The following STK39 variants were observed in gnomAD, a reference collection of about 807,000 sequenced individuals.
STK39 encodes serine/threonine kinase 39.
STK39 carries 20 observed loss-of-function variants against 77.8 expected under a neutral mutation model. That is an observed-to-expected ratio of 0.26 (90% CI 0.18 to 0.37). STK39 has a LOEUF of 0.37. STK39 is among the 10% of genes least tolerant of loss of function. STK39 has a pLI of 1.00. For missense variants in STK39, 479 were observed against 656.5 expected, an observed-to-expected ratio of 0.73 and a Z score of 2.95; for synonymous variants, 246 against 234.1, an observed-to-expected ratio of 1.05 and a Z score of -0.47.
At chr2:168,100,017 A>G (rs1686778550) in intron 10 of STK39, among the ~76,000 whole-genome samples, 1 of 152,132 alleles carries the variant, frequency 6.6e-6, no homozygotes, top group African/African-American at 2.4e-5. Flanking sequence ...CCACATGGGG[A>G]AAAAAAGGAA....
intron 14 of STK39, among the ~76,000 whole-genome samples, chr2:168,058,895 A>C (rs1424866921): frequency 6.6e-6 from 1 of 152,174 alleles, no homozygotes; most frequent in Non-Finnish European, 1.5e-5. Context: ...TATTCAGATC[A>C]TATCACTCTT....
rs554501744 is a variant in STK39, at chr2:168,231,042, C to G, written c.208+16186G>C. On this transcript the variant is annotated intron_variant, in intron 1 of 17. Transcript: ENST00000355999. ...TACTTTTGCAATCCCTACCTCTATG[C>G]CAACAGCTCACTGTAATCTCCAACC... 1.6e-4 allele frequency among the ~76,000 whole-genome samples: 25 copies of G among 152,270 alleles called. 1 individual carries two copies. Among genetic ancestry groups the G allele is most frequent in the African/African-American group, 5.8e-4 (24 of 41,570 alleles).
intron 10 of STK39, among the ~76,000 whole-genome samples, chr2:168,095,055 G>C (rs1368002858): frequency 6.6e-6 from 1 of 152,114 alleles, no homozygotes; most frequent in East Asian, 1.9e-4. Flanking sequence ...CTCTGCCACA[G>C]TTCTAGTACA....
intron 2 of STK39, among the ~76,000 whole-genome samples, chr2:168,171,689 G>T (rs963895590): frequency 6.6e-6 from 1 of 151,934 alleles, no homozygotes; most frequent in African/African-American, 2.4e-5. Context: ...GGGTCTCACT[G>T]TGTTGCCCAG....
chr2:168,180,629 G>A (rs4667568), intron 2 of STK39, among the ~76,000 whole-genome samples: 48,370 of 151,894 alleles, frequency 0.32, 7,936 homozygotes, highest in East Asian at 0.46. Context: ...TATAAAATGC[G>A]TTTTCCAACT....
intron 10 of STK39, among the ~76,000 whole-genome samples, chr2:168,123,915 T>G (rs1285693209): frequency 6.6e-6 from 1 of 151,324 alleles, no homozygotes; most frequent in East Asian, 1.9e-4. Flanking sequence ...GGACAAGTTC[T>G]CAACACTTGT....
chr2:168,052,736 C>G (rs1411851830), intron 14 of STK39, among the ~76,000 whole-genome samples: 1 of 152,220 alleles, frequency 6.6e-6, no homozygotes, highest in Non-Finnish European at 1.5e-5. Context: ...CTTCCTCTAA[C>G]TCCTGGGTGC....
intron 10 of STK39, among the ~76,000 whole-genome samples, chr2:168,096,917 C>T (rs924648316): frequency 5.3e-5 from 8 of 151,988 alleles, no homozygotes; most frequent in African/African-American, 1.9e-4. Context: ...AAAAAAAAAC[C>T]TGCCTTTCAA....
chr2:168,074,541 C>G (rs1686025454), intron 12 of STK39, among the ~76,000 whole-genome samples: 1 of 152,180 alleles, frequency 6.6e-6, no homozygotes, highest in Admixed American at 6.5e-5. Context: ...CCAACAGACT[C>G]AACCAAGAGT....
rs201038739 is a variant in STK39 at position 168,074,962 on chromosome 2, A to C, written c.1242+20T>G. The C allele has an allele frequency of 6.2e-7, 1 of 1,607,246 alleles. No homozygotes were observed. Among genetic ancestry groups the C allele is most frequent in the African/African-American group, 1.3e-5 (1 of 74,526 alleles). ...AAAGGAATGAAATGGCAAAATAATA[A>C]ATAAATAGCCACAGCTCACCTCTGG... On this transcript the variant is annotated intron_variant, in intron 12 of 17. Transcript: ENST00000355999.
chr2:168,050,643 C>G (rs115522724), intron 14 of STK39, among the ~76,000 whole-genome samples: 1 of 152,120 alleles, frequency 6.6e-6, no homozygotes, highest in Non-Finnish European at 1.5e-5. Flanking sequence ...GCTACCTCTA[C>G]AAGCTGGAAA....
At chr2:168,178,769 G>A (rs1434048175) in intron 2 of STK39, among the ~76,000 whole-genome samples, 4 of 152,156 alleles carry the variant, frequency 2.6e-5, no homozygotes, top group Admixed American at 6.5e-5. Context: ...AATGATGACT[G>A]CTTGACTCCT....
At chr2:168,209,642 T>C (rs1689833847) in intron 1 of STK39, among the ~76,000 whole-genome samples, 1 of 151,890 alleles carries the variant, frequency 6.6e-6, no homozygotes, top group Non-Finnish European at 1.5e-5. Flanking sequence ...ATCGCACCAC[T>C]GCACTCCAGC....
intron 6 of STK39, 112 bp downstream of exon 6, chr2:168,140,537 A>G: frequency 8.7e-7 from 1 of 1,145,232 alleles, no homozygotes; most frequent in Non-Finnish European, 1.3e-6. Flanking sequence ...ATTAAATCTT[A>G]GTTACATTAT....
At chr2:168,094,053 C>T (rs1290890003) in intron 10 of STK39, among the ~76,000 whole-genome samples, 2 of 152,222 alleles carry the variant, frequency 1.3e-5, no homozygotes, top group Non-Finnish European at 2.9e-5. Flanking sequence ...CACAGGACAA[C>T]TATAGGACCA....
intron 17 of STK39, among the ~76,000 whole-genome samples, chr2:167,957,661 T>C (rs959943659): frequency 6.6e-6 from 1 of 152,180 alleles, no homozygotes; most frequent in Non-Finnish European, 1.5e-5. Flanking sequence ...AAAGGTCACA[T>C]TGCCAAATGT....
chr2:168,065,822 C>A (rs150546230), intron 12 of STK39, among the ~76,000 whole-genome samples: 1 of 152,270 alleles, frequency 6.6e-6, no homozygotes, highest in Non-Finnish European at 1.5e-5. Context: ...CCCCTTTAAT[C>A]TAACTATGAG....
At chr2:168,136,165 G>A (rs545467804) in intron 8 of STK39, among the ~76,000 whole-genome samples, 4 of 151,866 alleles carry the variant, frequency 2.6e-5, no homozygotes, top group East Asian at 1.9e-4. Context: ...TCAGGAGATC[G>A]AGATCATCTT....
chr2:168,012,298 G>A (rs183905949), intron 16 of STK39, among the ~76,000 whole-genome samples: 1 of 151,616 alleles, frequency 6.6e-6, no homozygotes, highest in Non-Finnish European at 1.5e-5. Flanking sequence ...TCAGCTTCTC[G>A]AGTAGTTGAG....
Sources: allele counts gnomAD v4.1 joint callset (sites outside exome capture counted in the v4.1 genomes callset), GRCh38; gene constraint gnomAD v4.1.1; transcripts MANE v1.5; gene names NCBI Gene and HGNC (gene_info 2026-07-23, HGNC 2026-07-21).